Variants in VPS11 observed in about 807,000 individuals in gnomAD.
VPS11 encodes the protein vacuolar protein sorting-associated protein 11 homolog.
Under a neutral mutation model 106.8 loss-of-function variants are expected in VPS11, and 51 were observed. The observed-to-expected ratio is 0.48, with a 90% CI of 0.38 to 0.60. The LOEUF (loss-of-function observed/expected upper bound fraction) is 0.60, where lower values mean the gene tolerates loss of function less well. VPS11 is among the 20% of genes least tolerant of loss of function. The pLI, the probability that VPS11 is intolerant of heterozygous loss-of-function variation, is 0.00. For synonymous variants in VPS11, 453 were observed against 458.7 expected, an observed-to-expected ratio of 0.99 and a Z score of 0.16; for missense variants, 950 against 1,190.0, an observed-to-expected ratio of 0.80 and a Z score of 2.97.
chr11:119,077,422 C>A, intron 8 of VPS11, 79 bp from the exon 9 acceptor site: 1 of 1,531,018 alleles, frequency 6.5e-7, no homozygotes. Context: ...CCTTAGGAAT[C>A]TGAAAGTCAG....
chr11:119,069,101 A>T, intron 1 of VPS11, 95 bp from the exon 2 acceptor site: 1 of 1,504,852 alleles, frequency 6.6e-7, no homozygotes, highest in Non-Finnish European at 8.9e-7. Flanking sequence ...AAATCCTTGA[A>T]AATTTTAGAG....
chr11:119,081,039 T>G, intron 14 of VPS11, 53 bp from the exon 15 acceptor site: 5 of 1,537,682 alleles, frequency 3.3e-6, no homozygotes, highest in Non-Finnish European at 4.5e-6. Flanking sequence ...CATCCTTGAC[T>G]CCTGGCCTTG....
intron 5 of VPS11, chr11:119,072,961 G>T (rs1945455896): frequency 7.3e-6 from 4 of 549,376 alleles, no homozygotes; most frequent in Admixed American, 3.2e-5. Context: ...GGATATGTTA[G>T]TGTACTTAAT....
rs1163667289 is a variant in VPS11 at position 119,069,345 on chromosome 11, G to C, written c.336+1G>C. On this transcript the variant is annotated splice_donor_variant, in intron 2 of 15. Coordinates refer to ENST00000621676, the MANE Select transcript of VPS11 (RefSeq NM_021729.6). LOFTEE classifies it high-confidence loss of function. ...AGATGAAGAGGGCATCAACCCCTTG[G>C]TGAGTCCCAGCAGGGAAATGGGAAA... 1 of 1,614,028 alleles carries C rather than the reference G, an allele frequency of 6.2e-7. No individual in the cohort carries two copies. Among genetic ancestry groups the C allele is most frequent in the Non-Finnish European group, 8.5e-7 (1 of 1,179,904 alleles).
intron 11 of VPS11, 30 bp from the exon 12 acceptor site, chr11:119,078,535 T>A (rs781911668): frequency 6.3e-7 from 1 of 1,599,920 alleles, no homozygotes; most frequent in Non-Finnish European, 8.6e-7. Flanking sequence ...TCCCCTTTTG[T>A]CCAGCAGCTC....
At chr11:119,071,218 C>G (rs1945375870) in intron 4 of VPS11, among the ~76,000 whole-genome samples, 1 of 152,240 alleles carries the variant, frequency 6.6e-6, no homozygotes, top group East Asian at 1.9e-4. Context: ...GCATGAGCCA[C>G]TGCACCGGCC....
At position 119,069,539 on chromosome 11, in the gene VPS11, GT is replaced by G; in HGVS notation, c.437del (p.Leu146Ter). 1 of 1,613,990 alleles carries G rather than the reference GT, an allele frequency of 6.2e-7. No individual in the cohort carries two copies. Among genetic ancestry groups the G allele is most frequent in the Non-Finnish European group, 8.5e-7 (1 of 1,179,888 alleles). On this transcript the variant is annotated frameshift_variant, in exon 3 of 16. Coordinates refer to ENST00000621676, the MANE Select transcript of VPS11 (RefSeq NM_021729.6). LOFTEE classifies it high-confidence loss of function. ...IPGTEPTVVS[C>X]LTVHENLNFM... The stretch of plus-strand genomic sequence containing the variant: ...GGAACAGAGCCAACTGTTGTATCTT[GT>G]TTGACTGTCCATGAAAATCTCAACT...
intron 1 of VPS11, among the ~76,000 whole-genome samples, 189 bp from the exon 2 acceptor site, chr11:119,069,007 C>CGCT (rs782640010): frequency 1.4e-4 from 9 of 64,282 alleles, no homozygotes; most frequent in African/African-American, 3.8e-4. Flanking sequence ...CCCCCCCCCC[C>CGCT]CCCCGGCCTC....
chr11:119,071,794 T>C lies in VPS11; in HGVS notation c.835T>C (p.Phe279Leu), dbSNP rs1250720406. ...FEGHKLIAHWFRGYLIIVSRD... is the reference protein window; with the variant it reads ...FEGHKLIAHWLRGYLIIVSRD... ...GGGCCATAAGCTCATTGCCCACTGG[T>C]TTAGAGGCTACCTTATCATTGTCTC... Residue 279 changes from phenylalanine to leucine, a missense_variant, in exon 5 of 16, where the codon TTT (phenylalanine) becomes CTT (leucine). Coordinates refer to ENST00000621676, the MANE Select transcript of VPS11 (RefSeq NM_021729.6). 3.1e-6 allele frequency: 5 copies of C among 1,613,764 alleles called. No individual in the cohort carries two copies. The highest frequency in any genetic ancestry group is 3.4e-6 in the Non-Finnish European group (4 of 1,179,880).
Position 119,077,292 on chromosome 11 carries a change from C to T in VPS11, c.1425+209C>T, listed in dbSNP as rs138206564. ...GGTATCTAAGCCCAGGGTGGTGGCACTGGGGAAGTCCTGTCCCTAGCGGTG... is the reference window on the plus strand; with the variant it reads ...GGTATCTAAGCCCAGGGTGGTGGCATTGGGGAAGTCCTGTCCCTAGCGGTG... On this transcript the variant is annotated intron_variant, in intron 8 of 15. Coordinates refer to ENST00000621676, the MANE Select transcript of VPS11 (RefSeq NM_021729.6). Among the ~76,000 whole-genome samples, 103 of 152,308 alleles carry T rather than the reference C, an allele frequency of 6.8e-4. 1 individual carries two copies. The East Asian group carries it at 0.016, about 24-fold the overall frequency.
Position 119,081,719 on chromosome 11 carries a change from C to A in VPS11, c.*96C>A. 6.8e-7 allele frequency: 1 copy of A among 1,468,838 alleles called. No homozygotes were observed. Among genetic ancestry groups the A allele is most frequent in the Non-Finnish European group, 9.2e-7 (1 of 1,090,796 alleles). 91.0% of individuals were successfully genotyped at this position (1,468,838 alleles called of 1,614,324 possible). A position where few individuals can be genotyped will look rare whatever the true frequency, so the allele number is the denominator to read the frequency against. ...TTACACAGAAGGCTGGCTGACATGC[C>A]CAGGGCTCCACTCTCATCTAATGTC... is the stretch of plus-strand genomic sequence containing the variant. On this transcript the variant is annotated 3_prime_UTR_variant, in exon 16 of 16. Coordinates refer to ENST00000621676, the MANE Select transcript of VPS11 (RefSeq NM_021729.6).
At chr11:119,074,564 T>C (rs1945527876) in intron 7 of VPS11, among the ~76,000 whole-genome samples, 1 of 152,078 alleles carries the variant, frequency 6.6e-6, no homozygotes, top group Non-Finnish European at 1.5e-5. Context: ...CTGCCATGCC[T>C]GGCTAATTTT....
At chr11:119,070,167 CT>C in intron 3 of VPS11, 66 bp from the exon 4 acceptor site, 1 of 1,509,914 alleles carries the variant, frequency 6.6e-7, no homozygotes, top group Non-Finnish European at 8.9e-7. Flanking sequence ...CTCAAGTGGT[CT>C]TTTTTCCCCT....
Position 119,078,289 on chromosome 11 carries a change from CCTT to C in VPS11, c.1879_1881del (p.Leu627del). Reference sequence around the variant, plus strand: ...CACCCCAGGGGATCTACGACACACTCCTTGAGCTGCGACTGCAGAACTGGGCCC... The same window carrying C: ...CACCCCAGGGGATCTACGACACACTCGAGCTGCGACTGCAGAACTGGGCCC... On this transcript the variant is annotated inframe_deletion, in exon 11 of 16. Transcript: ENST00000621676. The C allele has an allele frequency of 6.2e-7, 1 of 1,613,150 alleles. No homozygotes were observed. The highest frequency in any genetic ancestry group is 8.5e-7 in the Non-Finnish European group (1 of 1,179,890).
At position 119,073,334 on chromosome 11, in the gene VPS11, T is replaced by C. The variant is rs1945471180; in HGVS notation, c.1021T>C (p.Tyr341His). The change falls in exon 6 of 16, where the codon TAC (tyrosine) becomes CAC (histidine). Residue 341 changes from tyrosine to histidine, a missense_variant. Physicochemically the swap from Tyr to His is moderately conservative, Grantham distance 83. Coordinates refer to ENST00000621676, the MANE Select transcript of VPS11 (RefSeq NM_021729.6). ...TGTGCTTGCTGAGTGGGGCTCCCTG[T>C]ACGTGCTGACGCGGGATGGGCGGGT... is the stretch of plus-strand genomic sequence containing the variant. Reference protein sequence around the residue: ...VDVLAEWGSLYVLTRDGRVHA... With the variant: ...VDVLAEWGSLHVLTRDGRVHA... The C allele has an allele frequency of 6.2e-7, 1 of 1,613,872 alleles. No individual in the cohort carries two copies. Among genetic ancestry groups the C allele is most frequent in the African/African-American group, 1.3e-5 (1 of 74,946 alleles).
Position 119,078,028 on chromosome 11 carries a change from C to T in VPS11, c.1723C>T (p.Leu575Phe), listed in dbSNP as rs1328210714. ...ACTTTGTACTGATTATCGGCCCAGCCTCGAAGGCCGCAGCGATAGGGAGGC... is the reference window on the plus strand; with the variant it reads ...ACTTTGTACTGATTATCGGCCCAGCTTCGAAGGCCGCAGCGATAGGGAGGC... ...KGLCTDYRPS[L>F]EGRSDREAPG... The change falls in exon 10 of 16, where the codon CTC becomes TTC. Residue 575 changes from leucine to phenylalanine, a missense_variant. Transcript: ENST00000621676. 6.2e-7 allele frequency: 1 copy of T among 1,612,786 alleles called. No homozygotes were observed. Among genetic ancestry groups the T allele is most frequent in the Admixed American group, 1.7e-5 (1 of 60,020 alleles).
chr11:119,071,917 A>G, intron 5 of VPS11, 74 bp downstream of exon 5: 1 of 1,555,304 alleles, frequency 6.4e-7, no homozygotes, highest in Non-Finnish European at 8.7e-7. Flanking sequence ...TTAAAATCCT[A>G]ATGCCTGGAT....
chr11:119,077,854 A>G (rs1296005774), intron 9 of VPS11, 24 bp from the exon 10 acceptor site: 1 of 1,613,412 alleles, frequency 6.2e-7, no homozygotes, highest in African/African-American at 1.3e-5. Context: ...AGTATACACT[A>G]TTCTGCCCTT....
chr11:119,068,113 G>A lies in VPS11; in HGVS notation c.187+103G>A, dbSNP rs1945192843. ...GGGGTCCGTGCCGCGCGCCTCTTTG[G>A]TTTAGCTGGTCATCCAGAGTTGTTC... On this transcript the variant is annotated intron_variant, in intron 1 of 15. Transcript: ENST00000621676. 63 of 1,301,064 alleles carry A rather than the reference G, an allele frequency of 4.8e-5. No homozygotes were observed. In the South Asian group the frequency reaches 9.2e-4, roughly 19 times the overall value. 80.6% of individuals were successfully genotyped at this position (1,301,064 alleles called of 1,614,324 possible).
Sources: allele counts gnomAD v4.1 joint callset (sites outside exome capture counted in the v4.1 genomes callset), GRCh38; gene constraint gnomAD v4.1.1; transcripts MANE v1.5; gene names NCBI Gene and HGNC (gene_info 2026-07-23, HGNC 2026-07-21).